LHFPL3: variants seen among roughly 807,000 people sequenced by gnomAD.
LHFPL3 encodes LHFPL tetraspan subfamily member 3.
In LHFPL3, 5 loss-of-function variants were observed where a neutral mutation model predicts 19.3. That is an observed-to-expected ratio of 0.26 (90% CI 0.14 to 0.54). The LOEUF is 0.54. Among genes scored for constraint, LHFPL3 ranks in the 20% least tolerant of loss-of-function variants. LHFPL3 has a pLI of 0.94. For synonymous variants in LHFPL3, 133 were observed against 126.2 expected (o/e 1.05, Z -0.36); for missense variants, 249 against 307.4 (o/e 0.81, Z 1.42).
chr7:104,832,093 G>T (rs1790963280), intron 2 of LHFPL3, among the ~76,000 whole-genome samples: 1 of 151,920 alleles, frequency 6.6e-6, no homozygotes, highest in East Asian at 1.9e-4. Flanking sequence ...ACTTTAAAAT[G>T]AATTGAAACT....
chr7:104,661,807 C>T (rs772512143), intron 1 of LHFPL3, among the ~76,000 whole-genome samples: 25 of 152,256 alleles, frequency 1.6e-4, no homozygotes, highest in Admixed American at 1.6e-3. Context: ...CTTATTATGT[C>T]GAGAACTTTC....
intron 2 of LHFPL3, among the ~76,000 whole-genome samples, chr7:104,772,732 A>C (rs1177904496): frequency 2.0e-5 from 3 of 152,236 alleles, no homozygotes; most frequent in Non-Finnish European, 4.4e-5. Flanking sequence ...GTTCACCTCC[A>C]GAATGTAAAT....
At chr7:104,414,834 C>T (rs1791592325) in intron 1 of LHFPL3, among the ~76,000 whole-genome samples, 1 of 152,158 alleles carries the variant, frequency 6.6e-6, no homozygotes, top group Admixed American at 6.5e-5. Context: ...TTGACAAATA[C>T]AGATTATGTT....
chr7:104,666,509 A>ATTTTTTTTTTTTTTTTTT (rs1315147894), intron 1 of LHFPL3, among the ~76,000 whole-genome samples: 2 of 44,162 alleles, frequency 4.5e-5, no homozygotes, highest in African/African-American at 7.2e-5. Context: ...ACAGGATTTC[A>ATTTTTTTTTTTTTTTTTT]TTCTTTTTTT....
intron 2 of LHFPL3, among the ~76,000 whole-genome samples, chr7:104,892,667 C>T (rs937607757): frequency 7.9e-5 from 11 of 138,384 alleles, no homozygotes; most frequent in African/African-American, 1.6e-4. Context: ...GCTGAGACCA[C>T]GCCACTGCAC....
chr7:104,374,893 T>A (rs1790681529), intron 1 of LHFPL3, among the ~76,000 whole-genome samples: 1 of 152,222 alleles, frequency 6.6e-6, no homozygotes, highest in African/African-American at 2.4e-5. Flanking sequence ...TTTGAATGTT[T>A]AGTGAAGTAG....
Position 104,698,708 on chromosome 7 carries a change from T to G in LHFPL3, c.446-37967T>G, listed in dbSNP as rs117649403. ...AATGGGTAAAATACATTATGGTACA[T>G]CCAGATGAAGGAATATTATTCAGCA... On this transcript the variant is annotated intron_variant, in intron 1 of 2. Transcript: ENST00000424859. 7.2e-4 allele frequency among the ~76,000 whole-genome samples: 109 copies of G among 152,260 alleles called. 3 individuals carry two copies. In the East Asian group the frequency reaches 0.019, roughly 26 times the overall value.
intron 1 of LHFPL3, among the ~76,000 whole-genome samples, chr7:104,534,320 A>G (rs1215768194): frequency 6.6e-6 from 1 of 152,210 alleles, no homozygotes; most frequent in Non-Finnish European, 1.5e-5. Context: ...TGTTTGAGAC[A>G]GGGCTATGAC....
intron 1 of LHFPL3, among the ~76,000 whole-genome samples, chr7:104,549,448 AACAC>A (rs61148155): frequency 0.042 from 5,845 of 140,254 alleles, 181 homozygotes; most frequent in East Asian, 0.15. Flanking sequence ...CCCTTAACCC[AACAC>A]ACACACACAC....
At chr7:104,377,396 G>T (rs1790736607) in intron 1 of LHFPL3, among the ~76,000 whole-genome samples, 1 of 152,276 alleles carries the variant, frequency 6.6e-6, no homozygotes. Context: ...CACAGGAAAA[G>T]AAGAGAAACC....
intron 2 of LHFPL3, among the ~76,000 whole-genome samples, chr7:104,849,944 G>C (rs1332117851): frequency 6.6e-6 from 1 of 152,256 alleles, no homozygotes; most frequent in East Asian, 1.9e-4. Flanking sequence ...TGGAAAAAAA[G>C]GGTTCTGGTT....
chr7:104,884,516 T>G (rs1249317925), intron 2 of LHFPL3, among the ~76,000 whole-genome samples: 1 of 152,212 alleles, frequency 6.6e-6, no homozygotes, highest in Non-Finnish European at 1.5e-5. Flanking sequence ...AAGTGAATTT[T>G]ACACGTGATA....
intron 1 of LHFPL3, among the ~76,000 whole-genome samples, chr7:104,489,724 C>A (rs1173384518): frequency 6.6e-6 from 1 of 151,734 alleles, no homozygotes; most frequent in Non-Finnish European, 1.5e-5. Flanking sequence ...GGGAACTGGC[C>A]CAGTGAAAAC....
intron 2 of LHFPL3, among the ~76,000 whole-genome samples, chr7:104,833,013 TTATATATA>T (rs1790991137): frequency 9.8e-6 from 1 of 102,188 alleles, no homozygotes; most frequent in Admixed American, 1.5e-4. Flanking sequence ...TATATATATA[TTATATATA>T]ATAGATATAT....
At chr7:104,380,516 A>G (rs2116450304) in intron 1 of LHFPL3, among the ~76,000 whole-genome samples, 1 of 152,276 alleles carries the variant, frequency 6.6e-6, no homozygotes, top group African/African-American at 2.4e-5. Context: ...AGTTCACCAC[A>G]TCTGAATACA....
At chr7:104,505,955 A>G (rs1292385763) in intron 1 of LHFPL3, among the ~76,000 whole-genome samples, 1 of 152,196 alleles carries the variant, frequency 6.6e-6, no homozygotes, top group Non-Finnish European at 1.5e-5. Context: ...TTAATTACAC[A>G]TAATACATAG....
At chr7:104,350,062 A>G (rs1790143848) in intron 1 of LHFPL3, among the ~76,000 whole-genome samples, 1 of 152,160 alleles carries the variant, frequency 6.6e-6, no homozygotes, top group Non-Finnish European at 1.5e-5. Context: ...TATTATTCCC[A>G]TTTAACTGAC....
At chr7:104,707,647 C>T (rs73415637) in intron 1 of LHFPL3, among the ~76,000 whole-genome samples, 48,012 of 152,014 alleles carry the variant, frequency 0.32, 8,364 homozygotes, top group East Asian at 0.65. Flanking sequence ...CTTCCATTTT[C>T]CTAGTAGTGT....
At chr7:104,502,100 C>T (rs1400563865) in intron 1 of LHFPL3, among the ~76,000 whole-genome samples, 3 of 152,152 alleles carry the variant, frequency 2.0e-5, no homozygotes, top group African/African-American at 4.8e-5. Flanking sequence ...ATCATCTAAC[C>T]TTTACATACC....
Sources: gnomAD v4.1 joint callset for allele counts (sites outside exome capture counted in the v4.1 genomes callset) on GRCh38, gnomAD v4.1.1 for gene constraint, MANE v1.5 for transcripts, NCBI Gene and HGNC (gene_info 2026-07-23, HGNC 2026-07-21) for gene names.